The following MEGF9 variants were observed in gnomAD, a reference collection of about 807,000 sequenced individuals.
The protein encoded by MEGF9 is multiple epidermal growth factor-like domains protein 9.
In MEGF9, 6 loss-of-function variants were observed where a neutral mutation model predicts 46.8. The ratio of observed to expected loss-of-function variants is 0.13; its 90% CI spans 0.07 to 0.25. The LOEUF is 0.25. MEGF9 is among the 10% of genes least tolerant of loss of function. The probability of loss-of-function intolerance (pLI) is 1.00; values close to 1 mark genes in which losing one functional copy is unlikely to be tolerated. For synonymous variants in MEGF9, 302 were observed against 330.7 expected (o/e 0.91, Z 0.94); for missense variants, 683 against 792.4 (o/e 0.86, Z 1.66).
chr9:120,708,746 A>G (rs2043939824), intron 1 of MEGF9, among the ~76,000 whole-genome samples: 1 of 152,210 alleles, frequency 6.6e-6, no homozygotes, highest in Non-Finnish European at 1.5e-5. Flanking sequence ...ATGCAAATAA[A>G]CTGGGTGGAG....
At chr9:120,698,710 C>T (rs531759457) in intron 1 of MEGF9, among the ~76,000 whole-genome samples, 1 of 152,306 alleles carries the variant, frequency 6.6e-6, no homozygotes, top group African/African-American at 2.4e-5. Context: ...AATGTATGTG[C>T]TGACTATTAA....
rs2132293995 is a variant in MEGF9, at chr9:120,601,729, C to A, written c.*3461G>T. 1 of 152,196 alleles carries A rather than the reference C, an allele frequency of 6.6e-6. No homozygotes were observed. Among genetic ancestry groups the A allele is most frequent in the East Asian group, 1.9e-4 (1 of 5,184 alleles). 9.4% of individuals were successfully genotyped at this position (152,196 alleles called of 1,614,324 possible). On this transcript the variant is annotated 3_prime_UTR_variant, in exon 6 of 6. Transcript: ENST00000373930. Reference sequence around the variant, plus strand: ...TTTAGTTTTCAAATGTCATTTTTTTCTCTATAACTGGAGAAATTCCATTAA... The same window carrying A: ...TTTAGTTTTCAAATGTCATTTTTTTATCTATAACTGGAGAAATTCCATTAA...
chr9:120,711,871 A>ATACACACACACACACACACACACC (rs2043955235), intron 1 of MEGF9, among the ~76,000 whole-genome samples: 2 of 150,108 alleles, frequency 1.3e-5, no homozygotes, highest in Admixed American at 1.3e-4. Flanking sequence ...ACACACACAC[A>ATACACACACACACACACACACACC]CCCACAGGCC....
rs1204483196 is a variant in MEGF9 at position 120,607,947 on chromosome 9, T to C, written c.1151A>G (p.Asn384Ser). Residue 384 changes from asparagine to serine, a missense_variant, in exon 5 of 6, where the codon AAT becomes AGT. Physicochemically the swap from Asn to Ser is conservative, Grantham distance 46. This residue lies in a region of MEGF9 where 313 missense variants were observed against 421.1 expected (regional missense o/e 0.74). Coordinates refer to ENST00000373930, the MANE Select transcript of MEGF9 (RefSeq NM_001080497.3). ...ATTGTAATAGCCATTTTCACATTTATTGCAGTTCGGGCCTATGTAACCATC... is the reference window on the plus strand; with the variant it reads ...ATTGTAATAGCCATTTTCACATTTACTGCAGTTCGGGCCTATGTAACCATC... ...CKDGYIGPNCNKCENGYYNFD... is the reference protein window; with the variant it reads ...CKDGYIGPNCSKCENGYYNFD... 1.2e-6 allele frequency: 2 copies of C among 1,614,042 alleles called. No individual in the cohort carries two copies. Among genetic ancestry groups the C allele is most frequent in the South Asian group, 1.1e-5 (1 of 91,086 alleles).
intron 1 of MEGF9, among the ~76,000 whole-genome samples, chr9:120,687,426 G>A (rs1181853111): frequency 6.6e-6 from 1 of 152,110 alleles, no homozygotes; most frequent in Non-Finnish European, 1.5e-5. Flanking sequence ...TACAAGTGAA[G>A]AAAACATGTG....
intron 1 of MEGF9, among the ~76,000 whole-genome samples, chr9:120,678,694 G>A (rs542173468): frequency 3.9e-5 from 6 of 152,102 alleles, no homozygotes; most frequent in East Asian, 3.9e-4. Context: ...TGCTGGTCTC[G>A]AACTCCTGGC....
intron 3 of MEGF9, among the ~76,000 whole-genome samples, chr9:120,619,203 C>T (rs554004941): frequency 2.0e-5 from 3 of 150,390 alleles, no homozygotes; most frequent in Non-Finnish European, 3.0e-5. Flanking sequence ...AAAAATTAGC[C>T]GGGCGTGGTG....
rs146287080 is a variant in MEGF9 at position 120,695,700 on chromosome 9, A to G, written c.601+18058T>C. 3.3e-5 allele frequency among the ~76,000 whole-genome samples: 5 copies of G among 152,116 alleles called. No homozygotes were observed. In the East Asian group the frequency reaches 9.6e-4, roughly 29 times the overall value. On this transcript the variant is annotated intron_variant, in intron 1 of 5. Coordinates refer to ENST00000373930, the MANE Select transcript of MEGF9 (RefSeq NM_001080497.3). ...CTGTAAGGATGTTTTTAAAGGACAA[A>G]TAAGTTTGCAGGTAGCCAAAGAAAG...
chr9:120,616,076 G>A (rs1051761918), intron 3 of MEGF9, among the ~76,000 whole-genome samples: 2 of 152,026 alleles, frequency 1.3e-5, no homozygotes, highest in Non-Finnish European at 2.9e-5. Flanking sequence ...AGAGGCAATA[G>A]CCCTTTCAGA....
intron 2 of MEGF9, among the ~76,000 whole-genome samples, chr9:120,641,132 A>T (rs76459013): frequency 6.6e-6 from 1 of 152,124 alleles, no homozygotes; most frequent in African/African-American, 2.4e-5. Flanking sequence ...GATTAATTCC[A>T]TGTCTTTGCT....
intron 1 of MEGF9, among the ~76,000 whole-genome samples, chr9:120,693,541 A>G (rs1376011957): frequency 6.6e-6 from 1 of 152,276 alleles, no homozygotes; most frequent in East Asian, 1.9e-4. Flanking sequence ...GCTTGCTATT[A>G]ACAAGAAAGA....
At position 120,691,807 on chromosome 9, in the gene MEGF9, G is replaced by T. The variant is rs80112840; in HGVS notation, c.601+21951C>A. ...ACCAACAATGACTGGATACTTCAAG[G>T]CTGAACATTACCGGTTTGGGTAGCA... On this transcript the variant is annotated intron_variant, in intron 1 of 5. Coordinates refer to ENST00000373930, the MANE Select transcript of MEGF9 (RefSeq NM_001080497.3). 9.5e-3 allele frequency among the ~76,000 whole-genome samples: 1,442 copies of T among 152,242 alleles called. 6 individuals are homozygous for T. Among genetic ancestry groups the T allele is most frequent in the Admixed American group, 0.018 (280 of 15,286 alleles).
chr9:120,663,024 T>A lies in MEGF9; in HGVS notation c.602-3449A>T, dbSNP rs190725919. On this transcript the variant is annotated intron_variant, in intron 1 of 5. Transcript: ENST00000373930. ...AGAGAAGATGAAAAATGAGCATTTA[T>A]TAATTATATATCCTTGGTACTAATC... is the stretch of plus-strand genomic sequence containing the variant. Among the ~76,000 whole-genome samples, 19 of 152,302 alleles carry A rather than the reference T, an allele frequency of 1.2e-4. No homozygotes were observed. The East Asian group carries it at 3.1e-3, about 25-fold the overall frequency.
intron 1 of MEGF9, among the ~76,000 whole-genome samples, chr9:120,705,489 G>A (rs926096791): frequency 1.3e-5 from 2 of 149,510 alleles, no homozygotes; most frequent in Admixed American, 6.7e-5. Context: ...TGAGAGGAAC[G>A]CATAGAAGGC....
intron 2 of MEGF9, among the ~76,000 whole-genome samples, chr9:120,624,617 A>G (rs1222613397): frequency 6.6e-6 from 1 of 152,184 alleles, no homozygotes; most frequent in Non-Finnish European, 1.5e-5. Flanking sequence ...CCTTTATCCC[A>G]GCACTTTGGG....
chr9:120,675,836 C>T (rs917002785), intron 1 of MEGF9, among the ~76,000 whole-genome samples: 5 of 127,828 alleles, frequency 3.9e-5, no homozygotes, highest in Non-Finnish European at 6.2e-5. Flanking sequence ...TGCAGTGAGC[C>T]GAGATCACGC....
At chr9:120,637,474 A>T (rs2132311597) in intron 2 of MEGF9, among the ~76,000 whole-genome samples, 1 of 150,748 alleles carries the variant, frequency 6.6e-6, no homozygotes, top group African/African-American at 2.5e-5. Context: ...AGAATAAAGT[A>T]TGTATTCTGC....
At chr9:120,637,913 G>A (rs1173553806) in intron 2 of MEGF9, among the ~76,000 whole-genome samples, 1 of 151,152 alleles carries the variant, frequency 6.6e-6, no homozygotes, top group African/African-American at 2.4e-5. Flanking sequence ...TTGCCAAGAA[G>A]TTGCTTCTCA....
intron 1 of MEGF9, among the ~76,000 whole-genome samples, chr9:120,698,298 C>T (rs2043887950): frequency 6.6e-6 from 1 of 152,190 alleles, no homozygotes; most frequent in African/African-American, 2.4e-5. Flanking sequence ...TATATACTCA[C>T]CAGAACTGGA....
Sources: allele counts gnomAD v4.1 joint callset (sites outside exome capture counted in the v4.1 genomes callset), GRCh38; gene constraint gnomAD v4.1.1; regional missense constraint gnomAD v4.1.1; transcripts MANE v1.5; gene names NCBI Gene and HGNC (gene_info 2026-07-23, HGNC 2026-07-21).